PIEZO1: variants seen among roughly 807,000 people sequenced by gnomAD.
PIEZO1 encodes the protein piezo-type mechanosensitive ion channel component 1.
A neutral mutation model predicts 297.2 loss-of-function variants in PIEZO1; 296 were observed. The ratio of observed to expected loss-of-function variants is 1.00; its 90% CI spans 0.91 to 1.10. PIEZO1 has a LOEUF of 1.10. PIEZO1 is among the 50% of genes least tolerant of loss of function. PIEZO1 has a pLI of 0.00. For synonymous variants in PIEZO1, 2,427 were observed against 1,507.5 expected (o/e 1.61, Z -14.13); for missense variants, 5,018 against 3,455.5 (o/e 1.45, Z -11.34).
chr16:88,781,317 G>A (rs1391046111), intron 1 of PIEZO1, among the ~76,000 whole-genome samples: 1 of 152,232 alleles, frequency 6.6e-6, no homozygotes, highest in Non-Finnish European at 1.5e-5. Flanking sequence ...GTGGGACCCT[G>A]GCAGCTGGGG....
chr16:88,751,091 C>T (rs539951182), intron 1 of PIEZO1, among the ~76,000 whole-genome samples: 22 of 152,244 alleles, frequency 1.4e-4, no homozygotes, highest in Admixed American at 6.5e-4. Flanking sequence ...AAAGGAGCCC[C>T]GGGAAGTCTT....
chr16:88,720,203 G>C lies in PIEZO1; in HGVS notation c.6030C>G (p.Ile2010Met). 1.3e-6 allele frequency: 2 copies of C among 1,550,562 alleles called. No individual in the cohort carries two copies. The highest frequency in any genetic ancestry group is 1.7e-6 in the Non-Finnish European group (2 of 1,146,974). ...GGTCAACCACCATGGTACTGAACTG[G>C]ATCAGCAGCATGACCAGGAAAGCCT... Reference protein sequence around the residue: ...VPEAFLVMLLIQFSTMVVDRA... With the variant: ...VPEAFLVMLLMQFSTMVVDRA... The change falls in exon 42 of 51, where the codon ATC (isoleucine) becomes ATG (methionine). Residue 2010 changes from isoleucine (I) to methionine (M), a missense_variant. By Grantham distance (10) the Ile-to-Met change is conservative (BLOSUM62 1). Transcript: ENST00000301015.
chr16:88,717,703 CAGT>C (rs2142753734), intron 44 of PIEZO1: 3 of 439,380 alleles, frequency 6.8e-6, no homozygotes, highest in Admixed American at 2.6e-5. Flanking sequence ...ATTTAAGAGA[CAGT>C]CCATAGAATT....
chr16:88,776,200 C>T (rs1156253954), intron 1 of PIEZO1, among the ~76,000 whole-genome samples: 8 of 152,198 alleles, frequency 5.3e-5, no homozygotes, highest in East Asian at 1.9e-4. Flanking sequence ...TCTGGGAGGC[C>T]GAGGCGGGTG....
Position 88,722,869 on chromosome 16 carries a change from C to T in PIEZO1, c.4636G>A (p.Glu1546Lys). 1 of 1,548,184 alleles carries T rather than the reference C, an allele frequency of 6.5e-7. No homozygotes were observed. Among genetic ancestry groups the T allele is most frequent in the Non-Finnish European group, 8.7e-7 (1 of 1,146,798 alleles). ...AGCTCCTGTGTGAGGAGGTAGCGCTCTGCCCGCAGCACGTCGCTCATGGTG... is the reference window on the plus strand; with the variant it reads ...AGCTCCTGTGTGAGGAGGTAGCGCTTTGCCCGCAGCACGTCGCTCATGGTG... ...HGTMSDVLRA[E>K]RYLLTQELLQ... Residue 1546 changes from glutamate to lysine, a missense_variant, in exon 34 of 51, where the codon GAG becomes AAG. By Grantham distance (56) the Glu-to-Lys change is moderately conservative. Coordinates refer to ENST00000301015, the MANE Select transcript of PIEZO1 (RefSeq NM_001142864.4).
chr16:88,720,492 C>G lies in PIEZO1; in HGVS notation c.5842G>C (p.Asp1948His), dbSNP rs1328472749. 6.5e-7 allele frequency: 1 copy of G among 1,550,382 alleles called. No homozygotes were observed. The highest frequency in any genetic ancestry group is 1.2e-5 in the South Asian group (1 of 84,062). Residue 1948 changes from aspartate (D) to histidine (H), a missense_variant, in exon 41 of 51, where the codon GAC becomes CAC. By Grantham distance (81) the Asp-to-His change is moderately conservative. Coordinates refer to ENST00000301015, the MANE Select transcript of PIEZO1 (RefSeq NM_001142864.4). ...GCGCGGTACTTGGTGTGCAGGATGT[C>G]GTGGAAGAAGCGCCGTAGCGGCCGA... ...TYRPLRRFFH[D>H]ILHTKYRAAT...
chr16:88,734,851 C>G, intron 14 of PIEZO1, 24 bp downstream of exon 14: 2 of 1,550,062 alleles, frequency 1.3e-6, no homozygotes, highest in Middle Eastern at 3.3e-4. Flanking sequence ...CGTGCCCCAG[C>G]CCCCATCCCG....
intron 1 of PIEZO1, among the ~76,000 whole-genome samples, chr16:88,764,537 G>C (rs1157955004): frequency 6.6e-6 from 1 of 152,112 alleles, no homozygotes; most frequent in Non-Finnish European, 1.5e-5. Context: ...TGGATCATGA[G>C]GTCAGGAGTT....
At position 88,734,387 on chromosome 16, in the gene PIEZO1, G is replaced by T. The variant is rs1905069212; in HGVS notation, c.2149C>A (p.Pro717Thr). The change falls in exon 16 of 51, where the codon CCT becomes ACT. Residue 717 changes from proline to threonine, a missense_variant. Transcript: ENST00000301015. ...GCCCAGCGCGGGAGGCGCGTGCCAGGCAGGGACACGTGCTCCATGTCGGTG... is the reference window on the plus strand; with the variant it reads ...GCCCAGCGCGGGAGGCGCGTGCCAGTCAGGGACACGTGCTCCATGTCGGTG... The part of the protein sequence containing the change: ...QLTDMEHVSL[P>T]GTRLPRWAHR... 1 of 1,546,746 alleles carries T rather than the reference G, an allele frequency of 6.5e-7. No individual in the cohort carries two copies. Among genetic ancestry groups the T allele is most frequent in the Non-Finnish European group, 8.7e-7 (1 of 1,144,878 alleles).
At chr16:88,760,211 C>T (rs951556451) in intron 1 of PIEZO1, among the ~76,000 whole-genome samples, 8 of 152,176 alleles carry the variant, frequency 5.3e-5, no homozygotes, top group South Asian at 2.1e-4. Context: ...GGCTGAGCCA[C>T]GGGCTCCGCT....
chr16:88,745,385 C>G (rs922851730), intron 2 of PIEZO1: 1 of 152,290 alleles, frequency 6.6e-6, no homozygotes, highest in Admixed American at 6.5e-5. Flanking sequence ...CCGGAGGGAG[C>G]CCATGGGGAA....
chr16:88,716,149 C>A (rs549106702), intron 49 of PIEZO1, 30 bp from the exon 50 acceptor site: 2 of 1,527,816 alleles, frequency 1.3e-6, no homozygotes, highest in Admixed American at 4.0e-5. Context: ...TCGTTGAGGC[C>A]GCAGGTCACC....
At chr16:88,778,999 G>T (rs773097632) in intron 1 of PIEZO1, among the ~76,000 whole-genome samples, 18 of 151,860 alleles carry the variant, frequency 1.2e-4, no homozygotes, top group Non-Finnish European at 2.5e-4. Context: ...GAGGTTCAAA[G>T]GGTTAAAAAG....
chr16:88,756,979 G>T (rs150372951), intron 1 of PIEZO1, among the ~76,000 whole-genome samples: 5,881 of 152,184 alleles, frequency 0.039, 159 homozygotes, highest in Middle Eastern at 0.099. Context: ...GGGGGGCTGA[G>T]GCAGGAGAAT....
At chr16:88,737,517 G>A (rs955980306) in intron 10 of PIEZO1, 42 bp downstream of exon 10, 12 of 1,361,954 alleles carry the variant, frequency 8.8e-6, no homozygotes, top group South Asian at 3.8e-5. Context: ...CCTCCGCCCC[G>A]CCCCCCGCAC....
chr16:88,783,537 T>A (rs1401774782), intron 1 of PIEZO1, among the ~76,000 whole-genome samples: 2 of 152,176 alleles, frequency 1.3e-5, no homozygotes, highest in African/African-American at 4.8e-5. Flanking sequence ...CTTTCCTGTT[T>A]CCCTCTCTAA....
chr16:88,784,388 G>A (rs993605078), intron 1 of PIEZO1, among the ~76,000 whole-genome samples: 1 of 152,256 alleles, frequency 6.6e-6, no homozygotes, highest in Non-Finnish European at 1.5e-5. Flanking sequence ...TGGGCCCTGG[G>A]CACGGACGTT....
rs1444221441 is a variant in PIEZO1 at position 88,717,018 on chromosome 16, C to G, written c.6660+5G>C. ...GAATGGACAGGCGGACCCACACATG[C>G]TCACCTCATAGCCGCCCAGCTTCAG... On this transcript the variant is annotated splice_donor_5th_base_variant and intron_variant, in intron 45 of 50. Transcript: ENST00000301015. 1.3e-6 allele frequency: 2 copies of G among 1,550,356 alleles called. No homozygotes were observed. Among genetic ancestry groups the G allele is most frequent in the Non-Finnish European group, 1.7e-6 (2 of 1,146,866 alleles).
In PIEZO1 at chr16:88,732,400, C is replaced by A; in HGVS notation, c.2926G>T (p.Asp976Tyr). 6.5e-7 allele frequency: 1 copy of A among 1,549,824 alleles called. No individual in the cohort carries two copies. Among genetic ancestry groups the A allele is most frequent in the South Asian group, 1.2e-5 (1 of 84,046 alleles). The change falls in exon 21 of 51, where the codon GAC (aspartate) becomes TAC (tyrosine). Residue 976 changes from aspartate (D) to tyrosine (Y), a missense_variant. Asp to Tyr is a radical substitution (Grantham distance 160). Coordinates refer to ENST00000301015, the MANE Select transcript of PIEZO1 (RefSeq NM_001142864.4). The stretch of plus-strand genomic sequence containing the variant: ...TTGAGGCAGCCGAGCAGATCCTGGT[C>A]CAGCTGCTGGCGGGTGCCGCTGGCA... ...VFASGTRQQL[D>Y]QDLLGCLKYF...
Sources: gnomAD v4.1 joint callset for allele counts (sites outside exome capture counted in the v4.1 genomes callset) on GRCh38, gnomAD v4.1.1 for gene constraint, MANE v1.5 for transcripts, NCBI Gene and HGNC (gene_info 2026-07-23, HGNC 2026-07-21) for gene names.